IL1RAPL1: variants seen among roughly 807,000 people sequenced by gnomAD.
The protein encoded by IL1RAPL1 is interleukin 1 receptor accessory protein like 1.
Under a neutral mutation model 48.4 loss-of-function variants are expected in IL1RAPL1, and 3 were observed. The ratio of observed to expected loss-of-function variants is 0.06; its 90% CI spans 0.03 to 0.16. The LOEUF is 0.16. IL1RAPL1 is among the 10% of genes least tolerant of loss of function. The pLI, the probability that IL1RAPL1 is intolerant of heterozygous loss-of-function variation, is 1.00. For synonymous variants in IL1RAPL1, 185 were observed against 187.7 expected, an observed-to-expected ratio of 0.99 and a Z score of 0.12; for missense variants, 349 against 530.6, an observed-to-expected ratio of 0.66 and a Z score of 3.36.
chrX:28,693,610 A>C (rs1259071211), intron 1 of IL1RAPL1, among the ~76,000 whole-genome samples: 1 of 112,372 alleles, frequency 8.9e-6, no homozygotes, highest in Non-Finnish European at 1.9e-5. Context: ...ACCCATTTGC[A>C]GGTATTTCAA....
chrX:28,838,106 CTATGTGGAAATAAGGAGAAAG>C (rs761226865), intron 2 of IL1RAPL1, among the ~76,000 whole-genome samples: 2,601 of 110,631 alleles, frequency 0.024, 75 homozygotes, highest in African/African-American at 0.081. Flanking sequence ...ACGTTAGTTG[CTATGTGGAAATAAGGAGAAAG>C]AAATATTTTA....
intron 6 of IL1RAPL1, among the ~76,000 whole-genome samples, chrX:29,720,212 A>G (rs1159257351): frequency 8.9e-6 from 1 of 111,768 alleles, no homozygotes; most frequent in Non-Finnish European, 1.9e-5. Flanking sequence ...TCAAGGATCT[A>G]GAACCAGAAA....
intron 1 of IL1RAPL1, among the ~76,000 whole-genome samples, chrX:28,722,750 A>G (rs1462913745): frequency 1.8e-5 from 2 of 111,385 alleles, no homozygotes; most frequent in African/African-American, 6.5e-5. Context: ...GCTCTTAATT[A>G]TTTTGAGATA....
intron 2 of IL1RAPL1, among the ~76,000 whole-genome samples, chrX:29,114,023 A>G (rs763254324): frequency 4.8e-4 from 54 of 111,360 alleles, no homozygotes; most frequent in African/African-American, 1.6e-3. Flanking sequence ...CTGTTTGCCA[A>G]TATCTTCTTT....
chrX:28,692,842 A>G (rs1444305252), intron 1 of IL1RAPL1, among the ~76,000 whole-genome samples: 1 of 111,504 alleles, frequency 9.0e-6, no homozygotes, highest in Non-Finnish European at 1.9e-5. Flanking sequence ...CTATTTGCCT[A>G]TATATTCTTT....
intron 2 of IL1RAPL1, among the ~76,000 whole-genome samples, chrX:29,046,516 C>T (rs1430715613): frequency 6.3e-5 from 7 of 111,984 alleles, no homozygotes; most frequent in African/African-American, 2.3e-4. Flanking sequence ...CAATGAATCA[C>T]TCTATTTTCT....
intron 5 of IL1RAPL1, among the ~76,000 whole-genome samples, chrX:29,459,870 T>A (rs2147732948): frequency 8.9e-6 from 1 of 111,875 alleles, no homozygotes; most frequent in Admixed American, 9.5e-5. Flanking sequence ...TTATTTCTCT[T>A]ATCTAAGTAA....
intron 2 of IL1RAPL1, among the ~76,000 whole-genome samples, chrX:29,042,760 T>C (rs1431686453): frequency 8.9e-6 from 1 of 111,835 alleles, no homozygotes; most frequent in Non-Finnish European, 1.9e-5. Context: ...CTGTTATGTA[T>C]AAAAATAATA....
intron 2 of IL1RAPL1, among the ~76,000 whole-genome samples, chrX:29,044,686 G>A (rs933279053): frequency 6.3e-5 from 7 of 110,521 alleles, no homozygotes; most frequent in Non-Finnish European, 9.4e-5. Context: ...TCTTCATAAC[G>A]AATGCTAGGG....
chrX:29,505,942 C>G (rs1935322490), intron 5 of IL1RAPL1, among the ~76,000 whole-genome samples: 1 of 111,906 alleles, frequency 8.9e-6, no homozygotes. Context: ...GTTTTCTCCT[C>G]TGGTTATTTT....
intron 3 of IL1RAPL1, among the ~76,000 whole-genome samples, chrX:29,288,008 A>G (rs958289487): frequency 5.4e-5 from 6 of 111,554 alleles, no homozygotes; most frequent in Admixed American, 9.5e-5. Context: ...TCCTTGTTTT[A>G]TTTTTTATTT....
chrX:29,797,828 G>A (rs984158920), intron 6 of IL1RAPL1, among the ~76,000 whole-genome samples: 1 of 111,365 alleles, frequency 9.0e-6, no homozygotes, highest in African/African-American at 3.3e-5. Flanking sequence ...AGCTGAAATC[G>A]TGCCACTGCA....
Position 28,740,132 on chromosome X carries a change from T to C in IL1RAPL1, c.-24-49188T>C, listed in dbSNP as rs141511304. ...ACCTGGTTCAAAAAATACTAAGACATCTGTCCAAGTAGAAATCATAAATCC... is the reference window on the plus strand; with the variant it reads ...ACCTGGTTCAAAAAATACTAAGACACCTGTCCAAGTAGAAATCATAAATCC... On this transcript the variant is annotated intron_variant, in intron 1 of 10. Coordinates refer to ENST00000378993, the MANE Select transcript of IL1RAPL1 (RefSeq NM_014271.4). Among the ~76,000 whole-genome samples the C allele has an allele frequency of 3.0e-3, 339 of 111,521 alleles. 2 individuals are homozygous for C. The highest frequency in any genetic ancestry group is 0.023 in the East Asian group (82 of 3,522).
At chrX:29,218,111 A>G (rs1930910988) in intron 2 of IL1RAPL1, among the ~76,000 whole-genome samples, 2 of 111,808 alleles carry the variant, frequency 1.8e-5, no homozygotes, top group South Asian at 7.4e-4. Flanking sequence ...TGCCATGACA[A>G]TGTAGAATAA....
At chrX:29,835,517 C>A (rs181347715) in intron 6 of IL1RAPL1, among the ~76,000 whole-genome samples, 1 of 111,939 alleles carries the variant, frequency 8.9e-6, no homozygotes, top group Admixed American at 9.5e-5. Flanking sequence ...ATAATGGTGG[C>A]ATCATAGAAT....
chrX:28,818,599 A>T (rs1936895681), intron 2 of IL1RAPL1, among the ~76,000 whole-genome samples: 1 of 110,912 alleles, frequency 9.0e-6, no homozygotes, highest in Non-Finnish European at 1.9e-5. Flanking sequence ...AAATTGGTTA[A>T]TGCCTGAAAA....
chrX:29,678,356 T>TG (rs1256114903), intron 6 of IL1RAPL1, among the ~76,000 whole-genome samples: 1 of 82,834 alleles, frequency 1.2e-5, no homozygotes, highest in African/African-American at 4.6e-5. Context: ...TTTTTTTTTT[T>TG]TTTTTTTTTT....
intron 1 of IL1RAPL1, among the ~76,000 whole-genome samples, chrX:28,694,663 A>G (rs1418192824): frequency 1.8e-5 from 2 of 112,306 alleles, no homozygotes; most frequent in Non-Finnish European, 3.8e-5. Context: ...TAGATAAGCA[A>G]TGCATAAATG....
At chrX:29,750,198 C>T (rs548261067) in intron 6 of IL1RAPL1, among the ~76,000 whole-genome samples, 5 of 111,931 alleles carry the variant, frequency 4.5e-5, no homozygotes, top group East Asian at 2.8e-4. Context: ...AGCTGGGTAA[C>T]GTAAGAACAT....
Sources: gnomAD v4.1 joint callset for allele counts (sites outside exome capture counted in the v4.1 genomes callset) on GRCh38, gnomAD v4.1.1 for gene constraint, MANE v1.5 for transcripts, NCBI Gene and HGNC (gene_info 2026-07-23, HGNC 2026-07-21) for gene names.